AR: variants seen among roughly 807,000 people sequenced by gnomAD.
AR encodes the protein androgen receptor.
Under a neutral mutation model 53.9 loss-of-function variants are expected in AR, and 8 were observed. That is an observed-to-expected ratio of 0.15 (90% CI 0.09 to 0.27). AR has a LOEUF of 0.27. Among genes scored for constraint, AR ranks in the 10% least tolerant of loss-of-function variants. AR has a pLI of 1.00. For missense variants in AR, 639 were observed against 742.5 expected (o/e 0.86, Z 1.62); for synonymous variants, 359 against 316.4 (o/e 1.13, Z -1.43).
rs140507105 is a variant in AR, at chrX:67,634,164, T to G, written c.1617-9092T>G. 7.0e-3 allele frequency among the ~76,000 whole-genome samples: 782 copies of G among 111,358 alleles called. 5 individuals carry two copies. Among genetic ancestry groups the G allele is most frequent in the African/African-American group, 0.024 (746 of 30,645 alleles). ...GTAAGGGTGGGGAAATAGTCCCAAG[T>G]ATAATTCTGGTTTTGTCACTACTAG... On this transcript the variant is annotated intron_variant, in intron 1 of 7. Coordinates refer to ENST00000374690, the MANE Select transcript of AR (RefSeq NM_000044.6).
At chrX:67,674,605 T>A (rs1194069271) in intron 2 of AR, among the ~76,000 whole-genome samples, 1 of 111,573 alleles carries the variant, frequency 9.0e-6, no homozygotes, top group Non-Finnish European at 1.9e-5. Flanking sequence ...GCAAGTATTG[T>A]CTGGCTACCA....
chrX:67,670,546 A>G (rs1422580663), intron 2 of AR, among the ~76,000 whole-genome samples: 1 of 107,163 alleles, frequency 9.3e-6, no homozygotes, highest in African/African-American at 3.4e-5. Context: ...TAAAGCATAT[A>G]TATAGTATAG....
intron 1 of AR, among the ~76,000 whole-genome samples, chrX:67,565,086 C>T (rs1921496251): frequency 9.0e-6 from 1 of 111,672 alleles, no homozygotes; most frequent in South Asian, 3.8e-4. Context: ...AGACTGTCTT[C>T]CCACAGTGGC....
chrX:67,713,472 T>TCTGTC (rs2076101602), intron 4 of AR, among the ~76,000 whole-genome samples: 1 of 112,116 alleles, frequency 8.9e-6, no homozygotes, highest in Non-Finnish European at 1.9e-5. Flanking sequence ...ATTCAAAGTT[T>TCTGTC]AATCTTCCCA....
Position 67,723,888 on chromosome X carries a change from G to C in AR, c.*47G>C, listed in dbSNP as rs1389555392. The C allele has an allele frequency of 1.7e-6, 2 of 1,190,912 alleles. No homozygotes were observed. Among genetic ancestry groups the C allele is most frequent in the Non-Finnish European group, 2.3e-6 (2 of 883,600 alleles). On this transcript the variant is annotated 3_prime_UTR_variant, in exon 8 of 8. Transcript: ENST00000374690. Reference sequence around the variant, plus strand: ...CCACCCCAGCTCATGCCCCCTTTCAGATGTCTTCTGCCTGTTATAACTCTG... The same window carrying C: ...CCACCCCAGCTCATGCCCCCTTTCACATGTCTTCTGCCTGTTATAACTCTG...
chrX:67,578,311 A>G (rs1922146189), intron 1 of AR, among the ~76,000 whole-genome samples: 1 of 111,689 alleles, frequency 9.0e-6, no homozygotes, highest in South Asian at 3.7e-4. Context: ...TATCTCAACT[A>G]AAACTCTGGA....
At position 67,544,153 on chromosome X, in the gene AR, A is replaced by G. The variant is rs193102830; in HGVS notation, c.-994A>G. The G allele has an allele frequency of 6.7e-5, 10 of 148,435 alleles. No homozygotes were observed. The highest frequency in any genetic ancestry group is 5.1e-4 in the Admixed American group (6 of 11,696). 12.2% of individuals were successfully genotyped at this position (148,435 alleles called of 1,213,427 possible). On this transcript the variant is annotated 5_prime_UTR_variant, in exon 1 of 8. Coordinates refer to ENST00000374690, the MANE Select transcript of AR (RefSeq NM_000044.6). ...CGCTCCAGTGCTGTACAGGAGCCGA[A>G]GGGACGCACCACGCCAGCCCCAGCC...
chrX:67,599,218 T>C (rs1415700746), intron 1 of AR, among the ~76,000 whole-genome samples: 1 of 112,125 alleles, frequency 8.9e-6, no homozygotes, highest in Admixed American at 9.5e-5. Flanking sequence ...AATATTGTTA[T>C]GTATCATGTT....
intron 1 of AR, among the ~76,000 whole-genome samples, chrX:67,570,141 C>T (rs752406737): frequency 4.5e-4 from 50 of 111,943 alleles, no homozygotes; most frequent in Middle Eastern, 9.2e-3. Flanking sequence ...TTGGCTGTCC[C>T]TGTGTTTGTC....
intron 2 of AR, among the ~76,000 whole-genome samples, chrX:67,669,977 T>C (rs1427853501): frequency 9.6e-6 from 1 of 104,177 alleles, no homozygotes; most frequent in Non-Finnish European, 2.0e-5. Flanking sequence ...AAAATTATTA[T>C]TTTAAAATAT....
intron 1 of AR, among the ~76,000 whole-genome samples, chrX:67,604,198 A>ATGTGTGTG (rs72092334): frequency 0.011 from 878 of 78,121 alleles, 20 homozygotes; most frequent in Middle Eastern, 0.036. Context: ...GGGGAGAAAT[A>ATGTGTGTG]TGTGTGTGTG....
chrX:67,659,613 A>C lies in AR; in HGVS notation c.1768+16206A>C, dbSNP rs371958530. Among the ~76,000 whole-genome samples, 4 of 111,836 alleles carry C rather than the reference A, an allele frequency of 3.6e-5. No homozygotes were observed. The East Asian group carries it at 8.5e-4, about 24-fold the overall frequency. On this transcript the variant is annotated intron_variant, in intron 2 of 7. Coordinates refer to ENST00000374690, the MANE Select transcript of AR (RefSeq NM_000044.6). ...GTGCCACATTTTCTTAATCCAGTTT[A>C]TCATTGATGGACATTTGGGTTGGTT...
chrX:67,589,233 G>A (rs1239478098), intron 1 of AR, among the ~76,000 whole-genome samples: 1 of 105,295 alleles, frequency 9.5e-6, no homozygotes, highest in Non-Finnish European at 1.9e-5. Context: ...ACTGCAGTCC[G>A]CAGTCCGGCC....
intron 3 of AR, among the ~76,000 whole-genome samples, chrX:67,690,729 G>A (rs2075991305): frequency 8.9e-6 from 1 of 111,823 alleles, no homozygotes; most frequent in South Asian, 3.8e-4. Flanking sequence ...TCAAAAATTT[G>A]AGCAAGAGGA....
At chrX:67,656,368 T>C (rs1926590143) in intron 2 of AR, among the ~76,000 whole-genome samples, 1 of 110,983 alleles carries the variant, frequency 9.0e-6, no homozygotes, top group Non-Finnish European at 1.9e-5. Flanking sequence ...TACAATGTGA[T>C]GGGACATGAC....
At chrX:67,714,933 T>A (rs2076107076) in intron 4 of AR, among the ~76,000 whole-genome samples, 1 of 111,817 alleles carries the variant, frequency 8.9e-6, no homozygotes, top group Admixed American at 9.5e-5. Flanking sequence ...TGGGTTTGAG[T>A]GCTAAGCAGC....
chrX:67,587,885 C>G (rs1370624364), intron 1 of AR, among the ~76,000 whole-genome samples: 6 of 110,962 alleles, frequency 5.4e-5, no homozygotes, highest in Admixed American at 9.5e-5. Context: ...TCTCCTTTCC[C>G]CTTCCCCAGT....
At chrX:67,717,209 A>T (rs757819448) in intron 4 of AR, among the ~76,000 whole-genome samples, 18 of 112,125 alleles carry the variant, frequency 1.6e-4, no homozygotes, top group African/African-American at 5.5e-4. Flanking sequence ...TAAGTGTTAG[A>T]TTATTTTTCT....
In AR at chrX:67,711,397, A is replaced by T. The variant is rs765950220; in HGVS notation, c.1886-5A>T. ...TAAATTCAAGTCTCTCTTCCTTCCC[A>T]ATAGCCCGGAAGCTGAAGAAACTTG... On this transcript the variant is annotated splice_region_variant and splice_polypyrimidine_tract_variant and intron_variant, in intron 3 of 7. Transcript: ENST00000374690. 8.4e-7 allele frequency: 1 copy of T among 1,185,055 alleles called. No homozygotes were observed. The highest frequency in any genetic ancestry group is 1.1e-6 in the Non-Finnish European group (1 of 881,203).
Sources: allele counts gnomAD v4.1 joint callset (sites outside exome capture counted in the v4.1 genomes callset), GRCh38; gene constraint gnomAD v4.1.1; transcripts MANE v1.5; gene names NCBI Gene and HGNC (gene_info 2026-07-23, HGNC 2026-07-21).